Variants in CFAP92 observed in about 807,000 individuals in gnomAD.
CFAP92 encodes the protein cilia and flagella associated protein 92 (putative).
A neutral mutation model predicts 106.3 loss-of-function variants in CFAP92; 86 were observed. The ratio of observed to expected loss-of-function variants is 0.81; its 90% CI spans 0.68 to 0.97. The LOEUF is 0.97. CFAP92 is among the 50% of genes least tolerant of loss of function. The probability of loss-of-function intolerance (pLI) is 0.00; values close to 1 mark genes in which losing one functional copy is unlikely to be tolerated. For synonymous variants in CFAP92, 477 were observed against 506.4 expected (o/e 0.94, Z 0.78); for missense variants, 1,204 against 1,283.8 (o/e 0.94, Z 0.95).
chr3:128,912,097 G>A (rs1396759982), intron 15 of CFAP92, among the ~76,000 whole-genome samples: 1 of 152,208 alleles, frequency 6.6e-6, no homozygotes, highest in Non-Finnish European at 1.5e-5. Context: ...CCAGCACTGT[G>A]GCACTTGCTG....
intron 9 of CFAP92, among the ~76,000 whole-genome samples, chr3:128,959,043 T>G (rs1278362962): frequency 1.3e-5 from 2 of 151,940 alleles, no homozygotes; most frequent in Admixed American, 6.6e-5. Flanking sequence ...AAACCCTGTC[T>G]CTACTAAAAA....
intron 4 of CFAP92, among the ~76,000 whole-genome samples, chr3:128,986,632 C>T (rs775528432): frequency 6.6e-5 from 10 of 152,162 alleles, no homozygotes; most frequent in Admixed American, 2.0e-4. Context: ...ATAGACAATG[C>T]ACACCCTCAT....
chr3:128,975,620 T>C (rs1943104133), intron 7 of CFAP92, among the ~76,000 whole-genome samples, 159 bp downstream of exon 7: 1 of 152,118 alleles, frequency 6.6e-6, no homozygotes, highest in South Asian at 2.1e-4. Flanking sequence ...ACGGTAAGGA[T>C]GGGATGCATA....
intron 1 of CFAP92, chr3:129,001,619 C>CCT: frequency 7.4e-7 from 1 of 1,351,188 alleles, no homozygotes; most frequent in Non-Finnish European, 9.5e-7. Context: ...GCGAGGCGCG[C>CCT]GGCGCAGCGA....
At chr3:128,951,404 A>G (rs1940789183) in intron 9 of CFAP92, among the ~76,000 whole-genome samples, 1 of 152,200 alleles carries the variant, frequency 6.6e-6, no homozygotes, top group African/African-American at 2.4e-5. Flanking sequence ...CCCCAGCTTC[A>G]CGGGTAAAAA....
the CFAP92 span, among the ~76,000 whole-genome samples, chr3:129,009,533 A>G: frequency 6.6e-6 from 1 of 152,214 alleles, no homozygotes. Context: ...AATTCATCAC[A>G]GGGGCCAGGA....
chr3:128,968,510 A>C (rs914852636), intron 8 of CFAP92: 1 of 152,208 alleles, frequency 6.6e-6, no homozygotes, highest in Non-Finnish European at 1.5e-5. Context: ...ACCATAGGCT[A>C]TGTCATGGGT....
upstream of CFAP92, among the ~76,000 whole-genome samples, chr3:129,005,894 A>G (rs1945053221): frequency 6.6e-6 from 1 of 152,264 alleles, no homozygotes; most frequent in Non-Finnish European, 1.5e-5. Context: ...CAGCCTTGGA[A>G]CTTTATCCAA....
chr3:128,953,244 G>A (rs112979431), intron 9 of CFAP92, among the ~76,000 whole-genome samples: 56 of 152,230 alleles, frequency 3.7e-4, no homozygotes, highest in Middle Eastern at 3.4e-3. Flanking sequence ...GGCCGGGCGC[G>A]GTGGCTCACG....
chr3:129,000,510 C>T (rs1237006280), intron 1 of CFAP92, among the ~76,000 whole-genome samples: 1 of 152,208 alleles, frequency 6.6e-6, no homozygotes, highest in Non-Finnish European at 1.5e-5. Context: ...CTGCCTCTTG[C>T]TCCAACATGG....
chr3:128,910,020 G>T lies in CFAP92; in HGVS notation c.*279C>A. The stretch of plus-strand genomic sequence containing the variant: ...CCCACTTGGAGCCTCTGTGATCCCA[G>T]ACCATCATGGAGGAGCAGCTGGTAC... On this transcript the variant is annotated 3_prime_UTR_variant, in exon 16 of 16. Transcript: ENST00000645291. 6.2e-7 allele frequency: 1 copy of T among 1,613,438 alleles called. No individual in the cohort carries two copies. Among genetic ancestry groups the T allele is most frequent in the South Asian group, 1.1e-5 (1 of 90,732 alleles).
At chr3:128,973,612 C>T (rs867972483) in intron 7 of CFAP92, among the ~76,000 whole-genome samples, 4 of 150,958 alleles carry the variant, frequency 2.6e-5, no homozygotes, top group Admixed American at 1.3e-4. Context: ...GCCGAGATCG[C>T]GCCATTGTAC....
intron 9 of CFAP92, among the ~76,000 whole-genome samples, chr3:128,959,667 TG>T (rs973099799): frequency 3.9e-5 from 6 of 152,318 alleles, no homozygotes; most frequent in African/African-American, 1.4e-4. Context: ...GAGGGAAGCC[TG>T]GGGGCTCCTG....
chr3:128,989,000 T>C (rs1670939615), intron 2 of CFAP92, 82 bp from the exon 3 acceptor site: 1 of 1,106,052 alleles, frequency 9.0e-7, no homozygotes, highest in Non-Finnish European at 1.3e-6. Context: ...TGGAGCTTGA[T>C]GTTGTGAGAG....
intron 4 of CFAP92, 67 bp downstream of exon 4, chr3:128,987,549 G>C (rs758413311): frequency 2.2e-6 from 3 of 1,383,108 alleles, no homozygotes; most frequent in Non-Finnish European, 3.1e-6. Context: ...GGAGACACTG[G>C]CTTTTATGCT....
intron 12 of CFAP92, among the ~76,000 whole-genome samples, chr3:128,927,952 A>G (rs1236143587): frequency 3.9e-5 from 6 of 151,944 alleles, no homozygotes; most frequent in African/African-American, 1.5e-4. Flanking sequence ...AAATCAATCT[A>G]TAGATTCAAT....
intron 10 of CFAP92, among the ~76,000 whole-genome samples, chr3:128,944,337 A>G (rs1353479574): frequency 6.6e-6 from 1 of 152,114 alleles, no homozygotes; most frequent in African/African-American, 2.4e-5. Flanking sequence ...TAATAGATAC[A>G]AGGCCAGCTT....
At chr3:128,992,223 T>C (rs929630232) in intron 2 of CFAP92, among the ~76,000 whole-genome samples, 1 of 152,214 alleles carries the variant, frequency 6.6e-6, no homozygotes, top group Admixed American at 6.5e-5. Flanking sequence ...CAATAGCTAA[T>C]TGATACACCT....
intron 8 of CFAP92, chr3:128,970,241 CA>C (rs367889241): frequency 0.01 from 1,445 of 140,442 alleles, 16 homozygotes; most frequent in African/African-American, 0.027. Flanking sequence ...GACCCTATCT[CA>C]AAAAAAAAAA....
Sources: gnomAD v4.1 joint callset for allele counts (sites outside exome capture counted in the v4.1 genomes callset) on GRCh38, gnomAD v4.1.1 for gene constraint, MANE v1.5 for transcripts, NCBI Gene and HGNC (gene_info 2026-07-23, HGNC 2026-07-21) for gene names.